Variants in GALNT18 observed in about 807,000 individuals in gnomAD.
GALNT18 encodes GalNAc-transferase 18.
In GALNT18, 44 loss-of-function variants were observed where a neutral mutation model predicts 69.5. The ratio of observed to expected loss-of-function variants is 0.63; its 90% CI spans 0.50 to 0.81. The LOEUF (loss-of-function observed/expected upper bound fraction) is 0.81, where lower values mean the gene tolerates loss of function less well. GALNT18 is among the 40% of genes least tolerant of loss of function. The probability of loss-of-function intolerance (pLI) is 0.00; values close to 1 mark genes in which losing one functional copy is unlikely to be tolerated. For missense variants in GALNT18, 715 were observed against 810.0 expected, an observed-to-expected ratio of 0.88 and a Z score of 1.42; for synonymous variants, 364 against 318.2, an observed-to-expected ratio of 1.14 and a Z score of -1.53.
intron 3 of GALNT18, among the ~76,000 whole-genome samples, chr11:11,399,705 T>C (rs928055791): frequency 6.6e-6 from 1 of 152,212 alleles, no homozygotes; most frequent in Non-Finnish European, 1.5e-5. Flanking sequence ...TTGTTCTGCC[T>C]CACTGGGTGT....
At chr11:11,495,369 CA>C (rs1007049880) in intron 1 of GALNT18, among the ~76,000 whole-genome samples, 69 of 152,276 alleles carry the variant, frequency 4.5e-4, no homozygotes, top group African/African-American at 1.6e-3. Context: ...GTTGGGTACG[CA>C]AACTTCCCCC....
At chr11:11,277,656 T>C (rs1848978726) in intron 10 of GALNT18, among the ~76,000 whole-genome samples, 1 of 152,228 alleles carries the variant, frequency 6.6e-6, no homozygotes, top group African/African-American at 2.4e-5. Flanking sequence ...CATTTCCCTC[T>C]ACAACACTGC....
At position 11,415,892 on chromosome 11, in the gene GALNT18, G is replaced by C. The variant is rs1041996347; in HGVS notation, c.595+16729C>G. ...GGAATATGGAGTACACAGGTCTAGA[G>C]GGCAGCAGCTGGGCACCTAAGACTG... On this transcript the variant is annotated intron_variant, in intron 3 of 10. Coordinates refer to ENST00000227756, the MANE Select transcript of GALNT18 (RefSeq NM_198516.3). The surrounding 1 kb of genome is among the most constrained non-coding windows in gnomAD (Gnocchi z 4.1). Among the ~76,000 whole-genome samples the C allele has an allele frequency of 6.6e-6, 1 of 152,210 alleles. No homozygotes were observed. Among genetic ancestry groups the C allele is most frequent in the Non-Finnish European group, 1.5e-5 (1 of 68,050 alleles).
intron 1 of GALNT18, among the ~76,000 whole-genome samples, chr11:11,532,281 C>A (rs533622572): frequency 6.6e-6 from 1 of 152,162 alleles, no homozygotes; most frequent in Non-Finnish European, 1.5e-5. Context: ...AGCTGGAGCA[C>A]GGATTTTACA....
chr11:11,278,931 TA>T (rs1364282633), intron 10 of GALNT18, among the ~76,000 whole-genome samples: 4 of 152,236 alleles, frequency 2.6e-5, no homozygotes, highest in Admixed American at 6.5e-5. Flanking sequence ...CATTACACAT[TA>T]TATGCCTGTA....
intron 1 of GALNT18, among the ~76,000 whole-genome samples, chr11:11,503,414 A>G (rs1857010849): frequency 6.6e-6 from 1 of 152,164 alleles, no homozygotes. Context: ...TCTGATTATT[A>G]TCAAAGACAG....
At chr11:11,501,854 A>G (rs536810939) in intron 1 of GALNT18, among the ~76,000 whole-genome samples, 1 of 152,222 alleles carries the variant, frequency 6.6e-6, no homozygotes, top group South Asian at 2.1e-4. Flanking sequence ...TCGCCTGGGA[A>G]GGTTCTGCCC....
chr11:11,513,776 G>A (rs1306694607), intron 1 of GALNT18, among the ~76,000 whole-genome samples: 2 of 152,272 alleles, frequency 1.3e-5, no homozygotes, highest in Non-Finnish European at 1.5e-5. Flanking sequence ...GGACTGTTCA[G>A]GGGGAACATA....
At chr11:11,288,546 G>A (rs1409094793) in intron 10 of GALNT18, among the ~76,000 whole-genome samples, 1 of 152,180 alleles carries the variant, frequency 6.6e-6, no homozygotes, top group Admixed American at 6.5e-5. Context: ...GAGGGCAGAA[G>A]CTGTGTCTGA....
chr11:11,523,258 C>T lies in GALNT18; in HGVS notation c.236-74322G>A, dbSNP rs904323788. 6.6e-6 allele frequency among the ~76,000 whole-genome samples: 1 copy of T among 152,122 alleles called. No individual in the cohort carries two copies. Among genetic ancestry groups the T allele is most frequent in the African/African-American group, 2.4e-5 (1 of 41,428 alleles). On this transcript the variant is annotated intron_variant, in intron 1 of 10. Transcript: ENST00000227756. This position sits in a 1 kb window ranked among gnomAD's most constrained non-coding sequence, Gnocchi z 4.3. Reference sequence around the variant, plus strand: ...ATCAGAATAGGTCCTGCATGCCCTCCAAGTACAGCATCTCTTTTAATACAA... The same window carrying T: ...ATCAGAATAGGTCCTGCATGCCCTCTAAGTACAGCATCTCTTTTAATACAA...
chr11:11,400,234 C>A (rs1473154071), intron 3 of GALNT18, among the ~76,000 whole-genome samples: 1 of 152,234 alleles, frequency 6.6e-6, no homozygotes, highest in African/African-American at 2.4e-5. Context: ...ATCTTTACTA[C>A]AACCTCATGA....
chr11:11,473,095 C>A (rs552925880), intron 1 of GALNT18, among the ~76,000 whole-genome samples: 7 of 152,292 alleles, frequency 4.6e-5, no homozygotes, highest in African/African-American at 1.2e-4. Context: ...GCTCTTACTA[C>A]AGCCCCAAAC....
rs148301103 is a variant in GALNT18, at chr11:11,613,841, T to C, written c.235+7518A>G. On this transcript the variant is annotated intron_variant, in intron 1 of 10. Transcript: ENST00000227756. This position sits in a 1 kb window ranked among gnomAD's most constrained non-coding sequence, Gnocchi z 4.2. ...GCTCCTGACTTGAGTGTCATCCAACTTGTATGGCTTCTGCCCTTCCGCTTC... is the reference window on the plus strand; with the variant it reads ...GCTCCTGACTTGAGTGTCATCCAACCTGTATGGCTTCTGCCCTTCCGCTTC... 1.9e-3 allele frequency among the ~76,000 whole-genome samples: 286 copies of C among 152,330 alleles called. 2 individuals are homozygous for C. Among genetic ancestry groups the C allele is most frequent in the African/African-American group, 6.6e-3 (275 of 41,570 alleles).
intron 1 of GALNT18, among the ~76,000 whole-genome samples, chr11:11,609,407 A>T (rs1442606390): frequency 6.6e-6 from 1 of 152,152 alleles, no homozygotes; most frequent in Non-Finnish European, 1.5e-5. Flanking sequence ...TCTTCCTCTA[A>T]GATACACAAG....
intron 3 of GALNT18, among the ~76,000 whole-genome samples, chr11:11,418,876 C>T (rs145664360): frequency 2.8e-3 from 433 of 152,288 alleles, no homozygotes; most frequent in African/African-American, 9.9e-3. Context: ...GTTTTCTCTC[C>T]AGTCAAATGA....
chr11:11,358,501 T>C (rs898849537), intron 6 of GALNT18, among the ~76,000 whole-genome samples: 1 of 140,342 alleles, frequency 7.1e-6, no homozygotes, highest in Non-Finnish European at 1.6e-5. Flanking sequence ...AAAGACTAAG[T>C]CTTGACTTCT....
At chr11:11,373,594 C>G (rs1345186843) in intron 5 of GALNT18, among the ~76,000 whole-genome samples, 2 of 152,208 alleles carry the variant, frequency 1.3e-5, no homozygotes, top group African/African-American at 4.8e-5. Flanking sequence ...TGGCCTGGGT[C>G]TGGAATTCAA....
intron 1 of GALNT18, among the ~76,000 whole-genome samples, chr11:11,520,786 G>C (rs1857378581): frequency 6.6e-6 from 1 of 152,184 alleles, no homozygotes; most frequent in African/African-American, 2.4e-5. Flanking sequence ...TCCTGGTCAG[G>C]CATTTCCTGT....
At chr11:11,486,560 A>C (rs1013145873) in intron 1 of GALNT18, among the ~76,000 whole-genome samples, 3 of 152,256 alleles carry the variant, frequency 2.0e-5, no homozygotes, top group African/African-American at 7.2e-5. Flanking sequence ...CCTCACCTGG[A>C]AAGTGCTGAT....
Sources: allele counts gnomAD v4.1 joint callset (sites outside exome capture counted in the v4.1 genomes callset), GRCh38; gene constraint gnomAD v4.1.1; non-coding constraint Gnocchi (gnomAD v3.1); transcripts MANE v1.5; gene names NCBI Gene and HGNC (gene_info 2026-07-23, HGNC 2026-07-21).